RABGAP1L: variants seen among roughly 807,000 people sequenced by gnomAD.
The protein encoded by RABGAP1L is RAB GTPase activating protein 1 like, also known as rab GTPase-activating protein 1-like.
Under a neutral mutation model 137.7 loss-of-function variants are expected in RABGAP1L, and 63 were observed. The observed-to-expected ratio is 0.46, with a 90% CI of 0.37 to 0.56. The LOEUF is 0.56. Ranked by LOEUF, RABGAP1L falls within the 20% of genes least tolerant of loss-of-function variation. RABGAP1L has a pLI of 0.00. For synonymous variants in RABGAP1L, 431 were observed against 433.7 expected (o/e 0.99, Z 0.08); for missense variants, 1,095 against 1,244.0 (o/e 0.88, Z 1.80).
At chr1:174,892,831 G>A (rs1376412514) in intron 19 of RABGAP1L, 2 of 278,022 alleles carry the variant, frequency 7.2e-6, no homozygotes, top group Non-Finnish European at 1.4e-5. Flanking sequence ...CCAGGTTCAA[G>A]CGATTCTCCT....
intron 13 of RABGAP1L, among the ~76,000 whole-genome samples, chr1:174,632,213 A>C (rs1186414556): frequency 4.3e-5 from 6 of 137,932 alleles, no homozygotes; most frequent in Non-Finnish European, 9.3e-5. Flanking sequence ...AGAATGTTGA[A>C]TATTGGCCCC....
At chr1:174,899,169 G>T (rs1318785509) in intron 19 of RABGAP1L, among the ~76,000 whole-genome samples, 1 of 151,994 alleles carries the variant, frequency 6.6e-6, no homozygotes, top group East Asian at 1.9e-4. Flanking sequence ...GTGCAAAAAA[G>T]AACTTAAACT....
intron 13 of RABGAP1L, among the ~76,000 whole-genome samples, chr1:174,629,689 A>G (rs1419989898): frequency 6.6e-6 from 1 of 151,896 alleles, no homozygotes; most frequent in African/African-American, 2.4e-5. Flanking sequence ...TGCCGGGCTA[A>G]TTTTTTGTAT....
chr1:174,614,702 C>A (rs999660571), intron 13 of RABGAP1L, among the ~76,000 whole-genome samples: 2 of 152,198 alleles, frequency 1.3e-5, no homozygotes, highest in Non-Finnish European at 2.9e-5. Context: ...CTCCCCGTCA[C>A]TTTCAGGTAC....
At chr1:174,871,599 G>T (rs1232137885) in intron 19 of RABGAP1L, among the ~76,000 whole-genome samples, 1 of 152,136 alleles carries the variant, frequency 6.6e-6, no homozygotes, top group Non-Finnish European at 1.5e-5. Context: ...GAGTTATCCA[G>T]GCTGGGAGAA....
At chr1:174,560,124 ACT>A (rs1190185832) in intron 13 of RABGAP1L, among the ~76,000 whole-genome samples, 2 of 149,776 alleles carry the variant, frequency 1.3e-5, no homozygotes, top group Non-Finnish European at 3.0e-5. Flanking sequence ...ACAGGGCGAG[ACT>A]CTGTCTCAGA....
At chr1:174,771,194 A>G (rs1285188294) in intron 18 of RABGAP1L, among the ~76,000 whole-genome samples, 1 of 152,214 alleles carries the variant, frequency 6.6e-6, no homozygotes, top group Non-Finnish European at 1.5e-5. Context: ...AGGGGCTTTA[A>G]TTACATTTCT....
chr1:174,501,384 T>C (rs755094487), intron 13 of RABGAP1L, among the ~76,000 whole-genome samples: 1 of 152,116 alleles, frequency 6.6e-6, no homozygotes, highest in African/African-American at 2.4e-5. Flanking sequence ...AGAGGGGGTT[T>C]CACCATGTTG....
chr1:174,643,829 T>A (rs955058710), intron 14 of RABGAP1L, among the ~76,000 whole-genome samples: 10 of 152,094 alleles, frequency 6.6e-5, no homozygotes. Flanking sequence ...AACAATTATG[T>A]TTATATCTAT....
intron 12 of RABGAP1L, among the ~76,000 whole-genome samples, chr1:174,391,041 A>G (rs1687174870): frequency 6.6e-6 from 1 of 152,196 alleles, no homozygotes; most frequent in African/African-American, 2.4e-5. Context: ...GAAGGTGGAT[A>G]AAGAAGTAGT....
At chr1:174,243,111 T>C (rs980979724) in intron 5 of RABGAP1L, 1 of 152,124 alleles carries the variant, frequency 6.6e-6, no homozygotes, top group African/African-American at 2.4e-5. Flanking sequence ...GAAAATCTGC[T>C]GCTTGGAGAG....
At chr1:174,168,264 C>T (rs1267614913) in intron 1 of RABGAP1L, among the ~76,000 whole-genome samples, 7 of 64,716 alleles carry the variant, frequency 1.1e-4, no homozygotes, top group Non-Finnish European at 2.1e-4. Context: ...GACTCGGTCT[C>T]AAAAAAAAAA....
At chr1:174,273,587 G>A (rs1674735359) in intron 8 of RABGAP1L, among the ~76,000 whole-genome samples, 1 of 151,272 alleles carries the variant, frequency 6.6e-6, no homozygotes. Flanking sequence ...TAATGAAAGT[G>A]GTTTTACCTA....
At chr1:174,971,166 C>G (rs1029767615) in intron 21 of RABGAP1L, among the ~76,000 whole-genome samples, 14 of 151,326 alleles carry the variant, frequency 9.3e-5, no homozygotes, top group African/African-American at 3.4e-4. Context: ...TAGAAAGACC[C>G]TAAATTACTT....
intron 13 of RABGAP1L, among the ~76,000 whole-genome samples, chr1:174,409,634 C>T (rs555967643): frequency 1.1e-4 from 16 of 152,200 alleles, no homozygotes; most frequent in African/African-American, 3.1e-4. Context: ...GGGAAGATAT[C>T]GCTGAATTCT....
chr1:174,489,741 G>T (rs1660040109), intron 13 of RABGAP1L, among the ~76,000 whole-genome samples: 1 of 152,124 alleles, frequency 6.6e-6, no homozygotes, highest in African/African-American at 2.4e-5. Context: ...TATGTTTATT[G>T]CGCCACTATT....
intron 19 of RABGAP1L, among the ~76,000 whole-genome samples, chr1:174,923,337 G>T (rs1573845145): frequency 6.6e-6 from 1 of 152,170 alleles, no homozygotes; most frequent in South Asian, 2.1e-4. Flanking sequence ...ACTGATTTGT[G>T]TAAAGCACAG....
At chr1:174,863,243 A>AAAAAAAG (rs1182089051) in intron 19 of RABGAP1L, among the ~76,000 whole-genome samples, 1 of 140,064 alleles carries the variant, frequency 7.1e-6, no homozygotes, top group African/African-American at 2.6e-5. Context: ...CAAAAAAAAA[A>AAAAAAAG]AAAAAGAAAA....
In RABGAP1L at chr1:174,550,997, CACAT is replaced by C. The variant is rs1237214792; in HGVS notation, c.1711-86376_1711-86373del. Among the ~76,000 whole-genome samples the C allele has an allele frequency of 1.5e-3, 142 of 92,154 alleles. 16 individuals carry two copies. Among genetic ancestry groups the C allele is most frequent in the African/African-American group, 9.6e-3 (119 of 12,332 alleles). The allele number at this position is 92,154 out of a possible 152,430, so 60.5% of individuals were successfully genotyped here. On this transcript the variant is annotated intron_variant, in intron 13 of 25. Coordinates refer to ENST00000681986, the MANE Select transcript of RABGAP1L (RefSeq NM_001366446.1). ...ATGTATATATACATATATATATATA[CACAT>C]ATATATATATATATATATATACATA...
Sources: gnomAD v4.1 joint callset for allele counts (sites outside exome capture counted in the v4.1 genomes callset) on GRCh38, gnomAD v4.1.1 for gene constraint, MANE v1.5 for transcripts, NCBI Gene and HGNC (gene_info 2026-07-23, HGNC 2026-07-21) for gene names.